The following GPC6 variants were observed in gnomAD, a reference collection of about 807,000 sequenced individuals.
The protein encoded by GPC6 is glypican 6, also known as glypican-6.
In GPC6, 14 loss-of-function variants were observed where a neutral mutation model predicts 55.2. The observed-to-expected ratio is 0.25, with a 90% CI of 0.17 to 0.40. GPC6 has a LOEUF of 0.40. Among genes scored for constraint, GPC6 ranks in the 10% least tolerant of loss-of-function variants. GPC6 has a pLI of 1.00. For missense variants in GPC6, 641 were observed against 708.5 expected, an observed-to-expected ratio of 0.90 and a Z score of 1.08; for synonymous variants, 278 against 259.6, an observed-to-expected ratio of 1.07 and a Z score of -0.68.
At chr13:94,358,969 A>G (rs1878932129) in intron 6 of GPC6, among the ~76,000 whole-genome samples, 1 of 152,220 alleles carries the variant, frequency 6.6e-6, no homozygotes, top group Non-Finnish European at 1.5e-5. Flanking sequence ...TTTGGACCAA[A>G]AAAAGTAAAA....
At chr13:93,313,584 G>T (rs954579888) in intron 1 of GPC6, among the ~76,000 whole-genome samples, 1 of 151,890 alleles carries the variant, frequency 6.6e-6, no homozygotes, top group East Asian at 1.9e-4. Context: ...TATCCACTCC[G>T]GTGTAACCCG....
intron 1 of GPC6, among the ~76,000 whole-genome samples, chr13:93,505,235 A>AT (rs975728468): frequency 3.3e-5 from 5 of 152,094 alleles, no homozygotes; most frequent in South Asian, 2.1e-4. Context: ...CTTTAGCCTC[A>AT]TTTTTTGCAG....
At chr13:94,389,348 C>T (rs533719042) in intron 7 of GPC6, among the ~76,000 whole-genome samples, 5 of 152,216 alleles carry the variant, frequency 3.3e-5, no homozygotes, top group Admixed American at 6.5e-5. Context: ...CCATAATGAG[C>T]TGTCTGTACA....
chr13:94,088,748 T>A (rs769892174), intron 4 of GPC6, among the ~76,000 whole-genome samples: 1 of 7,248 alleles, frequency 1.4e-4, no homozygotes, highest in Non-Finnish European at 5.3e-4. Context: ...TTCAATATGG[T>A]TTTAGACTCC....
intron 1 of GPC6, among the ~76,000 whole-genome samples, chr13:93,263,341 G>GT (rs1362829139): frequency 6.6e-6 from 1 of 151,736 alleles, no homozygotes; most frequent in East Asian, 1.9e-4. Flanking sequence ...TGTTGTTGTT[G>GT]TTGTTTGTTT....
chr13:94,328,272 T>TAA (rs1266966438), intron 6 of GPC6, among the ~76,000 whole-genome samples: 3 of 152,356 alleles, frequency 2.0e-5, no homozygotes, highest in African/African-American at 7.2e-5. Context: ...CCTCACATGC[T>TAA]AAGTGGACTG....
At chr13:93,570,082 G>C (rs1396867839) in intron 2 of GPC6, among the ~76,000 whole-genome samples, 3 of 152,060 alleles carry the variant, frequency 2.0e-5, no homozygotes, top group Non-Finnish European at 4.4e-5. Flanking sequence ...ATAACTGCCA[G>C]AGTTTTAGAG....
chr13:93,277,326 G>A (rs1405606715), intron 1 of GPC6, among the ~76,000 whole-genome samples: 2 of 152,122 alleles, frequency 1.3e-5, no homozygotes, highest in South Asian at 2.1e-4. Context: ...TCTATAAAAC[G>A]ATGAAGACAA....
chr13:93,564,485 A>G (rs1875985927), intron 2 of GPC6, among the ~76,000 whole-genome samples: 1 of 152,180 alleles, frequency 6.6e-6, no homozygotes, highest in Admixed American at 6.6e-5. Context: ...AAAGAAGAAC[A>G]ATGCAGCAAT....
intron 1 of GPC6, among the ~76,000 whole-genome samples, chr13:93,324,591 T>TATATATACACACATACATAC (rs1566299608): frequency 1.4e-3 from 168 of 118,850 alleles, no homozygotes; most frequent in African/African-American, 6.0e-3. Flanking sequence ...TACATACATA[T>TATATATACACACATACATAC]ATATATATAT....
chr13:94,273,458 TA>T (rs1406436223), intron 4 of GPC6, among the ~76,000 whole-genome samples: 5 of 152,240 alleles, frequency 3.3e-5, no homozygotes, highest in African/African-American at 1.2e-4. Context: ...ATGAGAGACT[TA>T]AAGAGAAGCT....
chr13:94,264,616 T>C lies in GPC6; in HGVS notation c.878-21733T>C, dbSNP rs183982043. Among the ~76,000 whole-genome samples the C allele has an allele frequency of 2.7e-3, 405 of 152,340 alleles. 2 individuals carry two copies. Among genetic ancestry groups the C allele is most frequent in the Non-Finnish European group, 3.8e-3 (261 of 68,016 alleles). ...TGCCACCATATACAAAAGGCAAGTATAGAGATAATCAAGTATTGTGGAAGC... is the reference window on the plus strand; with the variant it reads ...TGCCACCATATACAAAAGGCAAGTACAGAGATAATCAAGTATTGTGGAAGC... On this transcript the variant is annotated intron_variant, in intron 4 of 8. Coordinates refer to ENST00000377047, the MANE Select transcript of GPC6 (RefSeq NM_005708.5).
At chr13:93,555,742 A>T (rs924580373) in intron 2 of GPC6, among the ~76,000 whole-genome samples, 2 of 152,190 alleles carry the variant, frequency 1.3e-5, no homozygotes, top group Non-Finnish European at 2.9e-5. Context: ...GTGAATAAGA[A>T]ATGTTTAAGA....
At chr13:93,881,941 A>G (rs74341068) in intron 3 of GPC6, among the ~76,000 whole-genome samples, 2 of 152,134 alleles carry the variant, frequency 1.3e-5, no homozygotes, top group East Asian at 3.9e-4. Flanking sequence ...CTGTAAGGAA[A>G]AAATTAACCG....
intron 1 of GPC6, among the ~76,000 whole-genome samples, chr13:93,260,856 T>C (rs912866578): frequency 2.0e-5 from 3 of 152,116 alleles, no homozygotes; most frequent in Non-Finnish European, 4.4e-5. Flanking sequence ...AGCAATGTAG[T>C]AGTCATCATG....
intron 4 of GPC6, among the ~76,000 whole-genome samples, chr13:94,044,566 C>A (rs1178034189): frequency 6.6e-6 from 1 of 151,812 alleles, no homozygotes; most frequent in African/African-American, 2.4e-5. Context: ...TTTGCTATAA[C>A]AAATATGCTA....
At chr13:93,813,060 G>A (rs948201684) in intron 2 of GPC6, among the ~76,000 whole-genome samples, 4 of 152,148 alleles carry the variant, frequency 2.6e-5, no homozygotes, top group African/African-American at 9.7e-5. Flanking sequence ...TAGATATTTA[G>A]AACTACTGTG....
chr13:93,868,839 C>G (rs1889046113), intron 3 of GPC6, among the ~76,000 whole-genome samples: 1 of 151,814 alleles, frequency 6.6e-6, no homozygotes, highest in Non-Finnish European at 1.5e-5. Flanking sequence ...GTGATATCTC[C>G]TCTGGCCAAC....
Position 94,186,059 on chromosome 13 carries a change from C to CAAAAAAAAAAAAA in GPC6, c.878-100290_878-100289insAAAAAAAAAAAAA, listed in dbSNP as rs776003680. 1.3e-4 allele frequency among the ~76,000 whole-genome samples: 8 copies of CAAAAAAAAAAAAA among 63,854 alleles called. 1 individual carries two copies. The highest frequency in any genetic ancestry group is 2.4e-4 in the Admixed American group (1 of 4,210). The allele number at this position is 63,854 out of a possible 152,430, so 41.9% of individuals were successfully genotyped here. On this transcript the variant is annotated intron_variant, in intron 4 of 8. Coordinates refer to ENST00000377047, the MANE Select transcript of GPC6 (RefSeq NM_005708.5). ...TAGGTGACAGAGCGAGACTCCGTCT[C>CAAAAAAAAAAAAA]CAAAAAAAAAAAAAAAAAAAAGGTT... is the stretch of plus-strand genomic sequence containing the variant.
Sources: gnomAD v4.1 joint callset for allele counts (sites outside exome capture counted in the v4.1 genomes callset) on GRCh38, gnomAD v4.1.1 for gene constraint, MANE v1.5 for transcripts, NCBI Gene and HGNC (gene_info 2026-07-23, HGNC 2026-07-21) for gene names.